Variants in NREP observed in about 807,000 individuals in gnomAD.
NREP encodes neuronal regeneration related protein.
In NREP, 5 loss-of-function variants were observed where a neutral mutation model predicts 8.6. That is an observed-to-expected ratio of 0.58 (90% CI 0.30 to 1.22). NREP has a LOEUF of 1.22. Ranked by LOEUF, NREP falls within the 50% of genes most tolerant of loss-of-function variation. The pLI, the probability that NREP is intolerant of heterozygous loss-of-function variation, is 0.07. For synonymous variants in NREP, 27 were observed against 28.0 expected, an observed-to-expected ratio of 0.96 and a Z score of 0.11; for missense variants, 86 against 82.5, an observed-to-expected ratio of 1.04 and a Z score of -0.17.
At chr5:111,772,380 G>A (rs78416461) in intron 2 of NREP, among the ~76,000 whole-genome samples, 8,999 of 151,928 alleles carry the variant, frequency 0.059, 374 homozygotes, top group African/African-American at 0.12. Flanking sequence ...GTTCATCCTT[G>A]TTTCACTAAA....
intron 2 of NREP, among the ~76,000 whole-genome samples, chr5:111,768,693 A>G (rs773511869): frequency 2.0e-5 from 3 of 152,146 alleles, no homozygotes; most frequent in Non-Finnish European, 2.9e-5. Flanking sequence ...AAAGGACATG[A>G]TTTCATTTTT....
chr5:111,857,426 ATAACT>A (rs1256390949), intron 2 of NREP, among the ~76,000 whole-genome samples: 2 of 152,208 alleles, frequency 1.3e-5, no homozygotes. Context: ...TGGCCTTAAA[ATAACT>A]TAAGTGTCAC....
chr5:111,742,391 A>G (rs1392333495), intron 2 of NREP, among the ~76,000 whole-genome samples: 2 of 152,134 alleles, frequency 1.3e-5, no homozygotes, highest in Non-Finnish European at 2.9e-5. Flanking sequence ...GACTTTAACT[A>G]GGCACAGAAA....
intron 2 of NREP, chr5:111,738,929 C>T (rs1167924224): frequency 6.6e-6 from 1 of 152,240 alleles, no homozygotes; most frequent in East Asian, 1.9e-4. Context: ...CATATGAAGA[C>T]ACAGGGAGAA....
intron 2 of NREP, among the ~76,000 whole-genome samples, chr5:111,944,150 A>G (rs947570045): frequency 1.3e-5 from 2 of 152,106 alleles, no homozygotes; most frequent in African/African-American, 4.8e-5. Context: ...TGCCTACATG[A>G]CATTCTCTTT....
chr5:111,918,531 C>T (rs1379406660), intron 2 of NREP, among the ~76,000 whole-genome samples: 1 of 152,048 alleles, frequency 6.6e-6, no homozygotes. Context: ...CAATGGAACA[C>T]AACAGAGGCC....
chr5:111,825,871 G>C (rs1424591015), intron 2 of NREP, among the ~76,000 whole-genome samples: 4 of 152,004 alleles, frequency 2.6e-5, no homozygotes. Flanking sequence ...GTCTCCCTCA[G>C]GGACATCTGA....
rs1364408002 is a variant in NREP, at chr5:111,945,501, TAAAAAGGAAAAA to T, written c.135+29761_135+29772del. Among the ~76,000 whole-genome samples, 343 of 74,602 alleles carry T rather than the reference TAAAAAGGAAAAA, an allele frequency of 4.6e-3. 3 individuals carry two copies. Among genetic ancestry groups the T allele is most frequent in the African/African-American group, 0.017 (319 of 19,190 alleles). 48.9% of individuals were successfully genotyped at this position (74,602 alleles called of 152,430 possible). A position where few individuals can be genotyped will look rare whatever the true frequency, so the allele number is the denominator to read the frequency against. Reference sequence around the variant, plus strand: ...CAGGAGAAAGGAAGAGAAGAAAGGATAAAAAGGAAAAAGAAGAAAAAGGAAAAAGAAGAAAAA... The same window carrying T: ...CAGGAGAAAGGAAGAGAAGAAAGGATGAAGAAAAAGGAAAAAGAAGAAAAA... On this transcript the variant is annotated intron_variant, in intron 2 of 3. Coordinates refer to the NREP transcript ENST00000395634.
intron 2 of NREP, among the ~76,000 whole-genome samples, chr5:111,790,908 AC>A (rs1257199051): frequency 6.6e-6 from 1 of 152,204 alleles, no homozygotes; most frequent in African/African-American, 2.4e-5. Flanking sequence ...ATGCAAAACC[AC>A]ATATACAGAG....
chr5:111,867,019 T>A (rs1228101843), intron 2 of NREP, among the ~76,000 whole-genome samples: 1 of 151,668 alleles, frequency 6.6e-6, no homozygotes, highest in African/African-American at 2.4e-5. Flanking sequence ...GGGGGAGGGA[T>A]AGCATTTGGA....
chr5:111,923,491 C>T (rs1419447713), intron 2 of NREP, among the ~76,000 whole-genome samples: 2 of 152,138 alleles, frequency 1.3e-5, no homozygotes, highest in Non-Finnish European at 2.9e-5. Flanking sequence ...GCTGCAGATC[C>T]CTCTACTAGT....
At chr5:111,754,383 C>T (rs1314997412) in intron 2 of NREP, among the ~76,000 whole-genome samples, 1 of 152,124 alleles carries the variant, frequency 6.6e-6, no homozygotes, top group African/African-American at 2.4e-5. Context: ...AACTGGTCAC[C>T]TGACATATTG....
At chr5:111,757,218 G>T, upstream of NREP, 16 of 775,054 alleles carry the variant, frequency 2.1e-5, no homozygotes, top group Non-Finnish European at 2.4e-5. Context: ...CAACATGCTA[G>T]AAAGACAGAT....
intron 2 of NREP, among the ~76,000 whole-genome samples, chr5:111,825,159 T>A (rs1752594003): frequency 6.6e-6 from 1 of 152,140 alleles, no homozygotes; most frequent in African/African-American, 2.4e-5. Context: ...CAATGTTAGA[T>A]CCTTTGACAT....
At chr5:111,839,991 C>T (rs1369230171) in intron 2 of NREP, among the ~76,000 whole-genome samples, 1 of 152,024 alleles carries the variant, frequency 6.6e-6, no homozygotes, top group Non-Finnish European at 1.5e-5. Flanking sequence ...TAACAACATC[C>T]TGATCGTGTT....
chr5:111,841,752 CAG>C (rs752951491), intron 2 of NREP, among the ~76,000 whole-genome samples: 1 of 152,014 alleles, frequency 6.6e-6, no homozygotes, highest in Non-Finnish European at 1.5e-5. Flanking sequence ...TCAGAGGACT[CAG>C]TGATTTCGAA....
chr5:111,735,776 G>A (rs932994637), intron 2 of NREP, among the ~76,000 whole-genome samples: 1 of 152,208 alleles, frequency 6.6e-6, no homozygotes, highest in Non-Finnish European at 1.5e-5. Context: ...AGGCAAAGTA[G>A]CAGCTTCATG....
intron 2 of NREP, among the ~76,000 whole-genome samples, chr5:111,852,662 G>C (rs889732592): frequency 6.6e-6 from 1 of 152,070 alleles, no homozygotes; most frequent in African/African-American, 2.4e-5. Context: ...CATTTTTTGT[G>C]GGGGAGGGGG....
intron 2 of NREP, among the ~76,000 whole-genome samples, chr5:111,816,769 G>A (rs889416049): frequency 6.6e-6 from 1 of 150,978 alleles, no homozygotes; most frequent in Non-Finnish European, 1.5e-5. Flanking sequence ...GTTTTAAACT[G>A]AATATATCAC....
Sources: gnomAD v4.1 joint callset for allele counts (sites outside exome capture counted in the v4.1 genomes callset) on GRCh38, gnomAD v4.1.1 for gene constraint, MANE v1.5 for transcripts, NCBI Gene and HGNC (gene_info 2026-07-23, HGNC 2026-07-21) for gene names.